Variants in AOX1 observed in about 807,000 individuals in gnomAD.
The protein encoded by AOX1 is aldehyde oxidase.
Under a neutral mutation model 169.5 loss-of-function variants are expected in AOX1, and 153 were observed. The observed-to-expected ratio is 0.90, with a 90% CI of 0.79 to 1.03. The LOEUF is 1.03. Among genes scored for constraint, AOX1 ranks in the 50% least tolerant of loss-of-function variants. The pLI is 0.00. For synonymous variants in AOX1, 562 were observed against 581.9 expected, an observed-to-expected ratio of 0.97 and a Z score of 0.49; for missense variants, 1,656 against 1,663.9, an observed-to-expected ratio of 1.00 and a Z score of 0.08.
At chr2:200,656,975 C>A in intron 27 of AOX1, 38 bp downstream of exon 27, 1 of 1,358,622 alleles carries the variant, frequency 7.4e-7, no homozygotes, top group South Asian at 1.5e-5. Flanking sequence ...TGGGTGTGTG[C>A]TTATAGATCT....
At chr2:200,624,924 C>G (rs1304442762) in intron 19 of AOX1, among the ~76,000 whole-genome samples, 1 of 152,116 alleles carries the variant, frequency 6.6e-6, no homozygotes, top group East Asian at 1.9e-4. Flanking sequence ...ACATGTTGTT[C>G]TCTGGGTGAC....
At chr2:200,643,508 A>G (rs1002598045) in intron 25 of AOX1, among the ~76,000 whole-genome samples, 14 of 152,144 alleles carry the variant, frequency 9.2e-5, no homozygotes, top group African/African-American at 3.4e-4. Flanking sequence ...GAATTGTGCT[A>G]CTATAAACAT....
intron 29 of AOX1, among the ~76,000 whole-genome samples, chr2:200,660,704 T>C (rs1398973525): frequency 2.6e-5 from 4 of 152,228 alleles, no homozygotes; most frequent in Admixed American, 1.3e-4. Flanking sequence ...CGCTGGCTAT[T>C]CTAGAATGTC....
At chr2:200,624,323 C>T (rs2034956878) in intron 19 of AOX1, among the ~76,000 whole-genome samples, 1 of 152,186 alleles carries the variant, frequency 6.6e-6, no homozygotes, top group South Asian at 2.1e-4. Flanking sequence ...AATTAAGCCA[C>T]TTAGGTCACA....
intron 18 of AOX1, among the ~76,000 whole-genome samples, chr2:200,623,506 G>A (rs1015639755): frequency 4.6e-5 from 7 of 152,242 alleles, no homozygotes; most frequent in Non-Finnish European, 8.8e-5. Context: ...CGTGCAGGCA[G>A]AGGCTGCCTC....
At position 200,616,066 on chromosome 2, in the gene AOX1, G is replaced by C; in HGVS notation, c.1704+3G>C. On this transcript the variant is annotated splice_donor_region_variant and intron_variant, in intron 16 of 34. Coordinates refer to ENST00000374700, the MANE Select transcript of AOX1 (RefSeq NM_001159.4). ...ACTGCAGTACATTAAAGTACCAGGT[G>C]AGCGGTATTTCTTGTTTTTAAAAAT... 6.2e-7 allele frequency: 1 copy of C among 1,606,188 alleles called. No individual in the cohort carries two copies.
intron 31 of AOX1, among the ~76,000 whole-genome samples, chr2:200,665,726 C>T (rs1329010880): frequency 6.6e-6 from 1 of 152,204 alleles, no homozygotes; most frequent in African/African-American, 2.4e-5. Flanking sequence ...GCCAGCCCCA[C>T]CAGCCTAAGC....
chr2:200,621,914 G>A (rs1466452784), intron 18 of AOX1, among the ~76,000 whole-genome samples: 2 of 152,036 alleles, frequency 1.3e-5, no homozygotes, highest in Non-Finnish European at 2.9e-5. Context: ...CACCATGCTC[G>A]GCTAATTTTT....
chr2:200,659,060 C>T, intron 27 of AOX1, 105 bp from the exon 28 acceptor site: 2 of 1,083,488 alleles, frequency 1.8e-6, no homozygotes, highest in Non-Finnish European at 1.3e-6. Flanking sequence ...CTCCCTTGTC[C>T]CTGTCATGGG....
intron 15 of AOX1, 130 bp downstream of exon 15, chr2:200,614,096 TG>T (rs1225515474): frequency 3.2e-5 from 27 of 848,060 alleles, no homozygotes; most frequent in Non-Finnish European, 4.6e-5. Context: ...CACACGTACT[TG>T]CTGAACATCC....
At chr2:200,674,542 C>T (rs768271443), downstream of AOX1, among the ~76,000 whole-genome samples, 22 of 152,186 alleles carry the variant, frequency 1.4e-4, no homozygotes, top group Non-Finnish European at 3.1e-4. Context: ...GCAGGAAGCT[C>T]CCACTGTGAA....
downstream of AOX1, among the ~76,000 whole-genome samples, chr2:200,674,681 C>T (rs1204621072): frequency 6.6e-6 from 1 of 152,252 alleles, no homozygotes; most frequent in African/African-American, 2.4e-5. Flanking sequence ...GGCCCGACAG[C>T]ATGGGCTTCC....
At chr2:200,604,163 T>C in intron 8 of AOX1, 66 bp downstream of exon 8, 1 of 1,223,324 alleles carries the variant, frequency 8.2e-7, no homozygotes. Flanking sequence ...AGGGTATTTG[T>C]TTATGGGTTC....
Position 200,595,290 on chromosome 2 carries a change from A to G in AOX1, c.122A>G (p.Lys41Arg). The change falls in exon 3 of 35, where the codon AAG becomes AGG. Residue 41 changes from lysine to arginine, a missense_variant. Lys to Arg is a conservative substitution (Grantham distance 26). Transcript: ENST00000374700. ...LRKKLRLTGT[K>R]YGCGGGGCGA... ...CTTCCAGTTCGACTCACAGGAACTA[A>G]GTATGGCTGTGGAGGAGGAGGCTGT... 4 of 1,613,120 alleles carry G rather than the reference A, an allele frequency of 2.5e-6. No homozygotes were observed. The South Asian group carries it at 4.4e-5, about 18-fold the overall frequency.
intron 25 of AOX1, among the ~76,000 whole-genome samples, chr2:200,645,745 G>T (rs529308517): frequency 6.6e-6 from 1 of 151,896 alleles, no homozygotes; most frequent in African/African-American, 2.4e-5. Flanking sequence ...TTTCAATCTC[G>T]CTCTTGTTAT....
chr2:200,597,427 C>T lies in AOX1; in HGVS notation c.231C>T (p.Pro77=), dbSNP rs1404882218. Residue 77 remains proline, a synonymous_variant, in exon 4 of 35, where the codon CCC becomes CCT. Transcript: ENST00000374700. ...RHHPANACLI[P]ICSLYGAAVT... ...ACCCAGCCAATGCCTGTCTGATTCCCATCTGTTCTCTGTATGGTGCTGCCG... is the reference window on the plus strand; with the variant it reads ...ACCCAGCCAATGCCTGTCTGATTCCTATCTGTTCTCTGTATGGTGCTGCCG... The T allele has an allele frequency of 8.1e-6, 13 of 1,610,196 alleles. No homozygotes were observed. The highest frequency in any genetic ancestry group is 1.3e-5 in the African/African-American group (1 of 74,868).
intron 3 of AOX1, 62 bp from the exon 4 acceptor site, chr2:200,597,335 G>A: frequency 8.3e-7 from 1 of 1,208,242 alleles, no homozygotes; most frequent in Non-Finnish European, 1.2e-6. Flanking sequence ...GTGAATGCCT[G>A]GCCCCTTTCC....
chr2:200,587,375 G>A (rs2034060796), intron 1 of AOX1, among the ~76,000 whole-genome samples: 1 of 152,166 alleles, frequency 6.6e-6, no homozygotes, highest in South Asian at 2.1e-4. Context: ...GGTTCATTCA[G>A]AGCCACCTGT....
intron 20 of AOX1, among the ~76,000 whole-genome samples, chr2:200,632,460 A>C (rs2035146992): frequency 2.0e-5 from 3 of 151,842 alleles, no homozygotes; most frequent in African/African-American, 7.2e-5. Flanking sequence ...ATAATTGATA[A>C]TTCTATTTAT....
Sources: allele counts gnomAD v4.1 joint callset (sites outside exome capture counted in the v4.1 genomes callset), GRCh38; gene constraint gnomAD v4.1.1; transcripts MANE v1.5; gene names NCBI Gene and HGNC (gene_info 2026-07-23, HGNC 2026-07-21).